The following B3GAT2 variants were observed in gnomAD, a reference collection of about 807,000 sequenced individuals.
B3GAT2 encodes the protein beta-1,3-glucuronyltransferase 2, also known as galactosylgalactosylxylosylprotein 3-beta-glucuronosyltransferase 2.
Under a neutral mutation model 27.8 loss-of-function variants are expected in B3GAT2, and 26 were observed. The ratio of observed to expected loss-of-function variants is 0.93; its 90% CI spans 0.68 to 1.30. The LOEUF is 1.30. B3GAT2 is among the 50% of genes most tolerant of loss of function. B3GAT2 has a pLI of 0.00. For missense variants in B3GAT2, 458 were observed against 459.0 expected, an observed-to-expected ratio of 1.00 and a Z score of 0.02; for synonymous variants, 218 against 195.1, an observed-to-expected ratio of 1.12 and a Z score of -0.98.
At chr6:70,909,121 A>T (rs1304844860) in intron 1 of B3GAT2, among the ~76,000 whole-genome samples, 2 of 151,938 alleles carry the variant, frequency 1.3e-5, no homozygotes, top group Non-Finnish European at 2.9e-5. Context: ...AGAAAGCCCA[A>T]ACACACACAC....
chr6:70,930,119 T>C (rs1018284006), intron 1 of B3GAT2, among the ~76,000 whole-genome samples: 1 of 152,218 alleles, frequency 6.6e-6, no homozygotes, highest in Non-Finnish European at 1.5e-5. Context: ...TAAATGGTGC[T>C]GGGAAAACTG....
intron 1 of B3GAT2, among the ~76,000 whole-genome samples, chr6:70,954,918 G>C (rs182405061): frequency 4.6e-5 from 7 of 151,550 alleles, no homozygotes; most frequent in African/African-American, 9.7e-5. Flanking sequence ...GGGGCGGCGG[G>C]GGGGGGCGGT....
chr6:70,878,921 T>C (rs977164880), intron 2 of B3GAT2, among the ~76,000 whole-genome samples: 3 of 152,028 alleles, frequency 2.0e-5, no homozygotes, highest in Non-Finnish European at 4.4e-5. Context: ...GCACCTATTC[T>C]CCCATTTCCT....
rs1771704247 is a variant in B3GAT2, at chr6:70,861,099, G to A, written c.*564C>T. ...TATATCTAGGTTTATGACAGTAATT[G>A]TGTTTACATTTTATGGTGCCTAGTA... On this transcript the variant is annotated 3_prime_UTR_variant, in exon 4 of 4. Transcript: ENST00000230053. The A allele has an allele frequency of 1.1e-5, 2 of 178,788 alleles. No individual in the cohort carries two copies. Among genetic ancestry groups the A allele is most frequent in the African/African-American group, 2.3e-5 (1 of 42,702 alleles). 11.1% of individuals were successfully genotyped at this position (178,788 alleles called of 1,614,324 possible).
intron 2 of B3GAT2, among the ~76,000 whole-genome samples, chr6:70,886,073 G>C (rs1009906626): frequency 3.3e-5 from 5 of 152,210 alleles, no homozygotes; most frequent in Non-Finnish European, 7.3e-5. Context: ...TGGCTGCTTT[G>C]CACGTGATGT....
At chr6:70,954,882 C>T (rs975628801) in intron 1 of B3GAT2, among the ~76,000 whole-genome samples, 2 of 150,112 alleles carry the variant, frequency 1.3e-5, no homozygotes, top group Admixed American at 6.8e-5. Context: ...CAAGGAAGAA[C>T]ACCTGTTCTA....
chr6:70,938,553 G>A (rs903975114), intron 1 of B3GAT2, among the ~76,000 whole-genome samples: 3 of 150,628 alleles, frequency 2.0e-5, no homozygotes, highest in African/African-American at 7.3e-5. Flanking sequence ...TACCAAAACA[G>A]AGATATAGAT....
chr6:70,896,146 C>T (rs1450911207), intron 1 of B3GAT2, among the ~76,000 whole-genome samples: 2 of 152,096 alleles, frequency 1.3e-5, no homozygotes, highest in Non-Finnish European at 2.9e-5. Context: ...TCATTGTACG[C>T]CTGTGACTAC....
In B3GAT2 at chr6:70,856,701, G is replaced by A. The variant is rs1023588789; in HGVS notation, c.*4962C>T. ...TCTTGATTGTAGATGTTTTTATATG[G>A]GCTTGGGCTTGTAAGTGATCCTCTT... On this transcript the variant is annotated 3_prime_UTR_variant, in exon 4 of 4. Transcript: ENST00000230053. 1 of 618,346 alleles carries A rather than the reference G, an allele frequency of 1.6e-6. No individual in the cohort carries two copies. The highest frequency in any genetic ancestry group is 3.1e-5 in the South Asian group (1 of 32,170). The allele number at this position is 618,346 out of a possible 1,614,324, so 38.3% of individuals were successfully genotyped here.
At chr6:70,891,974 T>TA (rs1194428414) in intron 2 of B3GAT2, among the ~76,000 whole-genome samples, 11 of 152,044 alleles carry the variant, frequency 7.2e-5, no homozygotes, top group Admixed American at 7.2e-4. Flanking sequence ...TACTTACACT[T>TA]AAAGACTTCC....
intron 1 of B3GAT2, among the ~76,000 whole-genome samples, chr6:70,900,068 A>T (rs1287869515): frequency 6.6e-6 from 1 of 152,188 alleles, no homozygotes. Context: ...AATATTACAA[A>T]CAGTTCTGGC....
Position 70,871,038 on chromosome 6 carries a change from T to G in B3GAT2, c.737-9060A>C, listed in dbSNP as rs142580857. ...GCTTTTGTTCTTTATTGTATTGATA[T>G]GGTGTGTTACATTGATTTACTTTTA... On this transcript the variant is annotated intron_variant, in intron 2 of 3. Transcript: ENST00000230053. Among the ~76,000 whole-genome samples, 356 of 152,218 alleles carry G rather than the reference T, an allele frequency of 2.3e-3. 3 individuals carry two copies. Among genetic ancestry groups the G allele is most frequent in the African/African-American group, 7.9e-3 (328 of 41,558 alleles).
At position 70,905,869 on chromosome 6, in the gene B3GAT2, G is replaced by A. The variant is rs112953475; in HGVS notation, c.592-11597C>T. 3.1e-3 allele frequency among the ~76,000 whole-genome samples: 460 copies of A among 148,558 alleles called. 6 individuals are homozygous for A. The highest frequency in any genetic ancestry group is 0.011 in the African/African-American group (431 of 39,942). On this transcript the variant is annotated intron_variant, in intron 1 of 3. Coordinates refer to ENST00000230053, the MANE Select transcript of B3GAT2 (RefSeq NM_080742.3). ...TTTCTTCTTAAAAAAATATGGTCCC[G>A]GAATGTCTCCTGGCACTGTGTGTGT... is the stretch of plus-strand genomic sequence containing the variant.
chr6:70,945,978 C>T (rs975755852), intron 1 of B3GAT2, among the ~76,000 whole-genome samples: 3 of 151,792 alleles, frequency 2.0e-5, no homozygotes, highest in Non-Finnish European at 4.4e-5. Context: ...AACTAAGCTT[C>T]ATAAGTGAAG....
At chr6:70,880,304 T>C (rs534166192) in intron 2 of B3GAT2, among the ~76,000 whole-genome samples, 12 of 152,280 alleles carry the variant, frequency 7.9e-5, no homozygotes, top group Admixed American at 5.2e-4. Context: ...CTGTCTGTAT[T>C]AACCTGCTTA....
intron 2 of B3GAT2, among the ~76,000 whole-genome samples, chr6:70,884,183 G>C (rs1369219299): frequency 6.6e-6 from 1 of 151,626 alleles, no homozygotes; most frequent in Non-Finnish European, 1.5e-5. Context: ...TTTGCTCCTA[G>C]GTGGAGCTCA....
chr6:70,864,146 G>A (rs1771812756), intron 2 of B3GAT2, among the ~76,000 whole-genome samples: 1 of 147,652 alleles, frequency 6.8e-6, no homozygotes, highest in South Asian at 2.1e-4. Context: ...TCTTCACATG[G>A]CTTCAGGATA....
At chr6:70,872,723 G>A (rs897012063) in intron 2 of B3GAT2, among the ~76,000 whole-genome samples, 3 of 151,386 alleles carry the variant, frequency 2.0e-5, no homozygotes, top group African/African-American at 4.8e-5. Context: ...TTGTCTTTTT[G>A]AAGTTTGTTT....
chr6:70,951,671 C>T (rs780373783), intron 1 of B3GAT2, among the ~76,000 whole-genome samples: 5 of 152,020 alleles, frequency 3.3e-5, no homozygotes, highest in East Asian at 1.9e-4. Flanking sequence ...TTATCAAAAA[C>T]GAACCATAAT....
Sources: gnomAD v4.1 joint callset for allele counts (sites outside exome capture counted in the v4.1 genomes callset) on GRCh38, gnomAD v4.1.1 for gene constraint, MANE v1.5 for transcripts, NCBI Gene and HGNC (gene_info 2026-07-23, HGNC 2026-07-21) for gene names.